ATP11A: variants seen among roughly 807,000 people sequenced by gnomAD.
ATP11A encodes ATPase phospholipid transporting 11A.
In ATP11A, 81 loss-of-function variants were observed where a neutral mutation model predicts 154.4. The observed-to-expected ratio is 0.52, with a 90% confidence interval of 0.44 to 0.63. ATP11A has a LOEUF of 0.63. ATP11A is among the 30% of genes least tolerant of loss of function. The pLI, the probability that ATP11A is intolerant of heterozygous loss-of-function variation, is 0.00. For synonymous variants in ATP11A, 623 were observed against 585.9 expected (o/e 1.06, Z -0.91); for missense variants, 1,316 against 1,474.3 (o/e 0.89, Z 1.76).
chr13:112,713,654 C>T (rs1594379740), intron 1 of ATP11A, among the ~76,000 whole-genome samples: 1 of 152,188 alleles, frequency 6.6e-6, no homozygotes, highest in African/African-American at 2.4e-5. Context: ...CCATTTGTTT[C>T]AGGCAGAGTG....
intron 26 of ATP11A, among the ~76,000 whole-genome samples, chr13:112,872,409 G>C (rs905884588): frequency 6.6e-6 from 1 of 152,170 alleles, no homozygotes; most frequent in South Asian, 2.1e-4. Flanking sequence ...TCAGCAGTTC[G>C]AGACCAGCCT....
chr13:112,871,837 C>T (rs372179687), intron 26 of ATP11A, 37 bp downstream of exon 26: 17 of 1,585,934 alleles, frequency 1.1e-5, no homozygotes, highest in Non-Finnish European at 1.4e-5. Context: ...CCCCCAGCCA[C>T]AGTGAACCCC....
At chr13:112,844,369 A>G (rs970361114) in intron 17 of ATP11A, among the ~76,000 whole-genome samples, 1 of 152,188 alleles carries the variant, frequency 6.6e-6, no homozygotes, top group South Asian at 2.1e-4. Flanking sequence ...TGATCTATAC[A>G]TATTTAAAAT....
At chr13:112,767,730 T>G (rs1252995082) in intron 1 of ATP11A, among the ~76,000 whole-genome samples, 1 of 152,120 alleles carries the variant, frequency 6.6e-6, no homozygotes, top group Admixed American at 6.5e-5. Flanking sequence ...ACTTGGCCAA[T>G]GATATCAGTA....
At chr13:112,764,825 A>G (rs1232061838) in intron 1 of ATP11A, among the ~76,000 whole-genome samples, 2 of 152,166 alleles carry the variant, frequency 1.3e-5, no homozygotes, top group Admixed American at 1.3e-4. Context: ...TGGAATGTCC[A>G]CAGCCTGGTT....
At chr13:112,718,350 C>T (rs1484966829) in intron 1 of ATP11A, among the ~76,000 whole-genome samples, 2 of 152,180 alleles carry the variant, frequency 1.3e-5, no homozygotes, top group Non-Finnish European at 2.9e-5. Context: ...TGTTTGTGCT[C>T]ATGAAATTTT....
At chr13:112,868,746 A>G (rs2080419168) in intron 25 of ATP11A, among the ~76,000 whole-genome samples, 1 of 152,324 alleles carries the variant, frequency 6.6e-6, no homozygotes, top group South Asian at 2.1e-4. Flanking sequence ...CCATTTTCAC[A>G]TGGCTCTGAA....
At chr13:112,830,918 A>G (rs1199118650) in intron 12 of ATP11A, among the ~76,000 whole-genome samples, 1 of 152,094 alleles carries the variant, frequency 6.6e-6, no homozygotes, top group African/African-American at 2.4e-5. Flanking sequence ...ATGGTATTGT[A>G]GGTTTTGACC....
intron 1 of ATP11A, among the ~76,000 whole-genome samples, chr13:112,742,672 A>T (rs1359162200): frequency 6.6e-6 from 1 of 152,198 alleles, no homozygotes; most frequent in African/African-American, 2.4e-5. Flanking sequence ...AGCCTGCTCC[A>T]TTTTATTTCA....
At chr13:112,864,313 TC>T (rs2080238608) in intron 25 of ATP11A, among the ~76,000 whole-genome samples, 1 of 93,276 alleles carries the variant, frequency 1.1e-5, no homozygotes, top group African/African-American at 4.1e-5. Flanking sequence ...CCCAGCGGGG[TC>T]CATCACCACA....
Position 112,785,825 on chromosome 13 carries a change from C to T in ATP11A, c.162+568C>T, listed in dbSNP as rs544311882. ...CGTGGAAGTGCACACACATTTCCCA[C>T]GTTCAGAGAGTGACCTGGAAACAGG... On this transcript the variant is annotated intron_variant, in intron 2 of 29. Transcript: ENST00000375645. This position sits in a 1 kb window ranked among gnomAD's most constrained non-coding sequence, Gnocchi z 4.8. Among the ~76,000 whole-genome samples, 61 of 152,360 alleles carry T rather than the reference C, an allele frequency of 4.0e-4. No individual in the cohort carries two copies. The highest frequency in any genetic ancestry group is 8.5e-4 in the Admixed American group (13 of 15,306).
chr13:112,713,175 T>C (rs946200902), intron 1 of ATP11A, among the ~76,000 whole-genome samples: 1 of 152,134 alleles, frequency 6.6e-6, no homozygotes, highest in Non-Finnish European at 1.5e-5. Flanking sequence ...GGCAGGCGGA[T>C]CACAAGGTCA....
chr13:112,758,763 G>C (rs911521713), intron 1 of ATP11A, among the ~76,000 whole-genome samples: 7 of 152,180 alleles, frequency 4.6e-5, no homozygotes, highest in Admixed American at 6.5e-5. Flanking sequence ...TCTCGCACTT[G>C]AAATCAAATA....
intron 16 of ATP11A, among the ~76,000 whole-genome samples, chr13:112,839,840 T>A (rs1180445916): frequency 4.6e-5 from 7 of 152,146 alleles, no homozygotes; most frequent in Admixed American, 2.0e-4. Context: ...AAACATGAAT[T>A]TTCTAGTAAA....
chr13:112,732,217 T>C (rs1594460081), intron 1 of ATP11A, among the ~76,000 whole-genome samples: 1 of 152,206 alleles, frequency 6.6e-6, no homozygotes, highest in African/African-American at 2.4e-5. Context: ...GTTCCTCCAT[T>C]GCACTCAGGT....
In ATP11A at chr13:112,881,843, G is replaced by A. The variant is rs759483715; in HGVS notation, c.*10-33G>A. 1.5e-5 allele frequency: 20 copies of A among 1,367,524 alleles called. No individual in the cohort carries two copies. Among genetic ancestry groups the A allele is most frequent in the South Asian group, 2.3e-5 (2 of 88,038 alleles). The allele number at this position is 1,367,524 out of a possible 1,614,324, so 84.7% of individuals were successfully genotyped here. On this transcript the variant is annotated intron_variant, in intron 29 of 29. Transcript: ENST00000375645. ...TGGGTGCGCACAGCCTCGGGACCGC[G>A]ACTCAGAATTCACCCCTCTTGCCTC...
At chr13:112,860,490 C>T (rs752568694) in intron 24 of ATP11A, 76 bp downstream of exon 24, 3 of 1,570,956 alleles carry the variant, frequency 1.9e-6, no homozygotes, top group East Asian at 4.5e-5. Flanking sequence ...CTTCCAATAG[C>T]CACCTGGCAG....
At chr13:112,849,816 C>G (rs773517284) in intron 17 of ATP11A, among the ~76,000 whole-genome samples, 5 of 152,218 alleles carry the variant, frequency 3.3e-5, no homozygotes, top group Non-Finnish European at 7.3e-5. Flanking sequence ...GCTGCAAGGT[C>G]GTGTGCTCAG....
chr13:112,873,813 G>C, intron 27 of ATP11A, 137 bp downstream of exon 27: 1 of 781,950 alleles, frequency 1.3e-6, no homozygotes, highest in Non-Finnish European at 2.1e-6. Flanking sequence ...TGTGTGCTGG[G>C]TGTCGTGGGG....
Sources: gnomAD v4.1 joint callset for allele counts (sites outside exome capture counted in the v4.1 genomes callset) on GRCh38, gnomAD v4.1.1 for gene constraint, Gnocchi (gnomAD v3.1) non-coding constraint, MANE v1.5 for transcripts, NCBI Gene and HGNC (gene_info 2026-07-23, HGNC 2026-07-21) for gene names.